Variants in HSD17B12 observed in about 807,000 individuals in gnomAD.
The protein encoded by HSD17B12 is very-long-chain 3-oxoacyl-CoA reductase.
A neutral mutation model predicts 39.3 loss-of-function variants in HSD17B12; 32 were observed. The observed-to-expected ratio is 0.81, with a 90% CI of 0.61 to 1.09. HSD17B12 has a LOEUF of 1.09. HSD17B12 is among the 50% of genes least tolerant of loss of function. HSD17B12 has a pLI of 0.00. For synonymous variants in HSD17B12, 150 were observed against 146.7 expected, an observed-to-expected ratio of 1.02 and a Z score of -0.16; for missense variants, 342 against 382.9, an observed-to-expected ratio of 0.89 and a Z score of 0.89.
chr11:43,826,742 A>T (rs1279908391), intron 6 of HSD17B12, among the ~76,000 whole-genome samples: 3 of 152,202 alleles, frequency 2.0e-5, no homozygotes, highest in Non-Finnish European at 4.4e-5. Context: ...TTAGCTATAC[A>T]GGTGAGATTC....
intron 1 of HSD17B12, among the ~76,000 whole-genome samples, chr11:43,742,864 G>A (rs1339665071): frequency 6.6e-6 from 1 of 151,756 alleles, no homozygotes; most frequent in Non-Finnish European, 1.5e-5. Flanking sequence ...GGGCAGTGTT[G>A]GATTTGGTTT....
At chr11:43,603,491 G>A in the HSD17B12 span, among the ~76,000 whole-genome samples, 3 of 152,052 alleles carry the variant, frequency 2.0e-5, no homozygotes, top group African/African-American at 7.2e-5. Flanking sequence ...CATTAATTTG[G>A]AAAAAAATCA....
chr11:43,760,484 T>C (rs1470436457), intron 3 of HSD17B12, among the ~76,000 whole-genome samples: 1 of 152,202 alleles, frequency 6.6e-6, no homozygotes, highest in African/African-American at 2.4e-5. Flanking sequence ...GTAAAGCTTT[T>C]GGATGGTCCT....
upstream of HSD17B12, among the ~76,000 whole-genome samples, chr11:43,679,914 A>G (rs1949724829): frequency 6.6e-6 from 1 of 152,162 alleles, no homozygotes; most frequent in South Asian, 2.1e-4. Context: ...GCACAGACAC[A>G]GAAGACTGCA....
chr11:43,783,270 T>G (rs1950783554), intron 3 of HSD17B12, among the ~76,000 whole-genome samples: 1 of 152,218 alleles, frequency 6.6e-6, no homozygotes, highest in African/African-American at 2.4e-5. Context: ...TCCTCAATGT[T>G]AATTTCTTGA....
the HSD17B12 span, among the ~76,000 whole-genome samples, chr11:43,598,388 G>A: frequency 0.4 from 60,732 of 151,356 alleles, 13,574 homozygotes; most frequent in East Asian, 0.76. Context: ...TAGTGAATCC[G>A]TTTCTTGAGC....
At chr11:43,708,796 A>G (rs998159831) in intron 1 of HSD17B12, among the ~76,000 whole-genome samples, 3 of 152,230 alleles carry the variant, frequency 2.0e-5, no homozygotes, top group African/African-American at 7.2e-5. Flanking sequence ...CTATTAGCCA[A>G]TTAGTGCTTA....
the HSD17B12 span, among the ~76,000 whole-genome samples, chr11:43,639,817 T>A: frequency 6.6e-6 from 1 of 152,220 alleles, no homozygotes; most frequent in African/African-American, 2.4e-5. Flanking sequence ...CTGAGCAAGA[T>A]ACTTTTCGTG....
chr11:43,729,663 T>C (rs1950251080), intron 1 of HSD17B12, among the ~76,000 whole-genome samples: 1 of 152,218 alleles, frequency 6.6e-6, no homozygotes, highest in African/African-American at 2.4e-5. Context: ...GGGAGGAAAG[T>C]ATGCTTTCTT....
intron 9 of HSD17B12, among the ~76,000 whole-genome samples, chr11:43,846,052 T>A (rs939298775): frequency 9.2e-5 from 14 of 152,230 alleles, no homozygotes; most frequent in Admixed American, 3.3e-4. Flanking sequence ...CGGTGTGCCT[T>A]GAGGCAGAGA....
chr11:43,639,615 A>C, the HSD17B12 span, among the ~76,000 whole-genome samples: 1 of 152,004 alleles, frequency 6.6e-6, no homozygotes, highest in Non-Finnish European at 1.5e-5. Context: ...CATAGAAGGA[A>C]CCTCTGCTTA....
At chr11:43,622,979 G>A in the HSD17B12 span, among the ~76,000 whole-genome samples, 1 of 151,996 alleles carries the variant, frequency 6.6e-6, no homozygotes, top group Non-Finnish European at 1.5e-5. Flanking sequence ...ATCTCAACTT[G>A]ATTAATGATT....
At chr11:43,628,588 G>A in the HSD17B12 span, among the ~76,000 whole-genome samples, 1 of 151,960 alleles carries the variant, frequency 6.6e-6, no homozygotes, top group Non-Finnish European at 1.5e-5. Context: ...CTAAAGAAAT[G>A]AGAAATGAAG....
At chr11:43,624,260 A>T in the HSD17B12 span, among the ~76,000 whole-genome samples, 517 of 152,122 alleles carry the variant, frequency 3.4e-3, 3 homozygotes, top group East Asian at 0.031. Context: ...ATTTGAAGGA[A>T]AAGAAAGTCT....
chr11:43,634,015 C>T, the HSD17B12 span, among the ~76,000 whole-genome samples: 4 of 126,922 alleles, frequency 3.2e-5, no homozygotes, highest in East Asian at 2.4e-4. Flanking sequence ...CGGAGGTTGC[C>T]GTGAGCTGAG....
chr11:43,641,145 A>T, the HSD17B12 span: 2 of 152,086 alleles, frequency 1.3e-5, no homozygotes, highest in African/African-American at 4.8e-5. Flanking sequence ...GTAAAACATC[A>T]TGAAGATGAT....
intron 9 of HSD17B12, among the ~76,000 whole-genome samples, chr11:43,848,750 G>T (rs1206053237): frequency 1.3e-5 from 2 of 152,168 alleles, no homozygotes; most frequent in Non-Finnish European, 2.9e-5. Context: ...AAGTTGGTCT[G>T]ATTATAACCA....
chr11:43,572,333 G>A, the HSD17B12 span, among the ~76,000 whole-genome samples: 9 of 152,128 alleles, frequency 5.9e-5, no homozygotes, highest in East Asian at 1.9e-4. Context: ...GCATCTATTC[G>A]CTAACAGGCT....
chr11:43,809,718 G>A (rs1457722834), intron 4 of HSD17B12, among the ~76,000 whole-genome samples: 1 of 152,170 alleles, frequency 6.6e-6, no homozygotes, highest in African/African-American at 2.4e-5. Flanking sequence ...TACTCAGTAG[G>A]CTGAGGCAGG....
Sources: allele counts gnomAD v4.1 joint callset (sites outside exome capture counted in the v4.1 genomes callset), GRCh38; gene constraint gnomAD v4.1.1; transcripts MANE v1.5; gene names NCBI Gene and HGNC (gene_info 2026-07-23, HGNC 2026-07-21).